The following PHF14 variants were observed in gnomAD, a reference collection of about 807,000 sequenced individuals.
PHF14 encodes PHD finger protein 14.
PHF14 carries 55 observed loss-of-function variants against 117.9 expected under a neutral mutation model. The ratio of observed to expected loss-of-function variants is 0.47; its 90% CI spans 0.38 to 0.58. The LOEUF is 0.58. PHF14 is among the 20% of genes least tolerant of loss of function. The pLI is 0.00. For synonymous variants in PHF14, 409 were observed against 368.6 expected (o/e 1.11, Z -1.26); for missense variants, 978 against 1,122.2 (o/e 0.87, Z 1.84).
At chr7:11,021,912 T>C (rs1783749505) in intron 5 of PHF14, among the ~76,000 whole-genome samples, 1 of 152,184 alleles carries the variant, frequency 6.6e-6, no homozygotes, top group African/African-American at 2.4e-5. Flanking sequence ...CCATGTAGCA[T>C]GCATAGCCTC....
At chr7:10,989,731 A>G (rs1398744341) in intron 3 of PHF14, among the ~76,000 whole-genome samples, 1 of 152,152 alleles carries the variant, frequency 6.6e-6, no homozygotes, top group East Asian at 1.9e-4. Context: ...CCTGGGCTCA[A>G]GTGATCTTCC....
At chr7:11,005,919 A>G (rs1242366694) in intron 4 of PHF14, among the ~76,000 whole-genome samples, 1 of 148,818 alleles carries the variant, frequency 6.7e-6, no homozygotes, top group Non-Finnish European at 1.5e-5. Context: ...CAGCCTCCTG[A>G]GTAGCTGGGA....
At chr7:11,044,676 AAAGAT>A (rs1421142468) in intron 13 of PHF14, among the ~76,000 whole-genome samples, 1 of 152,196 alleles carries the variant, frequency 6.6e-6, no homozygotes, top group Non-Finnish European at 1.5e-5. Flanking sequence ...AAGTTATACT[AAAGAT>A]AATAAATACT....
rs1389900526 is a variant in PHF14, at chr7:11,051,720, A to C, written c.2421A>C (p.Pro807=). Reference sequence around the variant, plus strand: ...GATCAAGGAGGCAGATTAAGGAACCAGTGAAATTTGTTCCACAGGATGTGC... The same window carrying C: ...GATCAAGGAGGCAGATTAAGGAACCCGTGAAATTTGTTCCACAGGATGTGC... ...TKRSRRQIKE[P]VKFVPQDVPP... is the part of the protein sequence containing the mutation. The change falls in exon 14 of 18, where the codon CCA becomes CCC. Residue 807 remains proline (P), a synonymous_variant. Transcript: ENST00000634607. The C allele has an allele frequency of 1.9e-6, 3 of 1,613,626 alleles. No homozygotes were observed. Among genetic ancestry groups the C allele is most frequent in the Non-Finnish European group, 2.5e-6 (3 of 1,179,710 alleles).
At chr7:10,974,672 C>G (rs555209380) in intron 1 of PHF14, among the ~76,000 whole-genome samples, 163 bp from the exon 2 acceptor site, 6 of 152,182 alleles carry the variant, frequency 3.9e-5, no homozygotes, top group African/African-American at 1.4e-4. Context: ...CAGCCCTCCC[C>G]ACCCTGCTTC....
chr7:11,046,262 G>C (rs904293588), intron 13 of PHF14, among the ~76,000 whole-genome samples: 8 of 152,154 alleles, frequency 5.3e-5, no homozygotes, highest in African/African-American at 1.9e-4. Flanking sequence ...GTAAGGGCTT[G>C]ATTTATTAGA....
chr7:10,985,636 C>CCGGTTTTTTTTTTTTTTTTTT (rs750860479), intron 3 of PHF14, among the ~76,000 whole-genome samples: 7 of 90,862 alleles, frequency 7.7e-5, no homozygotes, highest in East Asian at 8.2e-4. Flanking sequence ...GATTCTCAAA[C>CCGGTTTTTTTTTTTTTTTTTT]TGTTTTTTTT....
At chr7:11,110,015 CTTAACTTTTCT>C (rs1231430340) in intron 16 of PHF14, 1 of 151,774 alleles carries the variant, frequency 6.6e-6, no homozygotes, top group Non-Finnish European at 1.5e-5. Context: ...AATTAAGTTG[CTTAACTTTTCT>C]GGAACTCTTG....
chr7:11,155,172 G>A (rs748627444), intron 17 of PHF14, among the ~76,000 whole-genome samples: 2 of 152,022 alleles, frequency 1.3e-5, no homozygotes, highest in South Asian at 2.1e-4. Flanking sequence ...AATTTTAGTC[G>A]TCAAAAATAG....
chr7:10,974,460 C>T (rs754666059), intron 1 of PHF14, 136 bp downstream of exon 1: 16 of 778,384 alleles, frequency 2.1e-5, no homozygotes, highest in Non-Finnish European at 3.1e-5. Flanking sequence ...CCATGGTCCG[C>T]GGGAATGAAG....
chr7:11,099,765 G>C (rs892142186), intron 16 of PHF14, among the ~76,000 whole-genome samples: 2 of 151,870 alleles, frequency 1.3e-5, no homozygotes, highest in Non-Finnish European at 2.9e-5. Flanking sequence ...TTTTTCTTAA[G>C]TTATGTAACT....
intron 17 of PHF14, among the ~76,000 whole-genome samples, chr7:11,133,865 A>T (rs1788149939): frequency 6.6e-6 from 1 of 152,196 alleles, no homozygotes; most frequent in South Asian, 2.1e-4. Flanking sequence ...AGGAAGTTTT[A>T]GTTTATAGAA....
Position 10,974,949 on chromosome 7 carries a change from A to C in PHF14, c.112+4A>C. ...TTTAAAGTTGGAGATGCCTCAGGTA[A>C]ATATTTCCTTCTCTCTTCCCCTTTC... On this transcript the variant is annotated splice_donor_region_variant and intron_variant, in intron 2 of 17. Coordinates refer to ENST00000634607, the MANE Select transcript of PHF14 (RefSeq NM_001007157.2). 7.5e-7 allele frequency: 1 copy of C among 1,339,772 alleles called. No individual in the cohort carries two copies. Among genetic ancestry groups the C allele is most frequent in the Non-Finnish European group, 1.1e-6 (1 of 946,240 alleles). The allele number at this position is 1,339,772 out of a possible 1,614,324, so 83.0% of individuals were successfully genotyped here. A position where few individuals can be genotyped will look rare whatever the true frequency, so the allele number is the denominator to read the frequency against.
intron 13 of PHF14, among the ~76,000 whole-genome samples, chr7:11,047,723 C>T (rs1784717303): frequency 6.7e-6 from 1 of 150,234 alleles, no homozygotes; most frequent in Non-Finnish European, 1.5e-5. Flanking sequence ...GAGGCTGAGG[C>T]TACAATGAGC....
At chr7:11,077,171 TTTGTC>T (rs1314980830) in intron 16 of PHF14, among the ~76,000 whole-genome samples, 2 of 152,040 alleles carry the variant, frequency 1.3e-5, no homozygotes, top group South Asian at 2.1e-4. Flanking sequence ...TTGTAGTCCC[TTTGTC>T]TTGTCTTAAA....
chr7:11,142,088 C>T (rs947522689), intron 17 of PHF14, among the ~76,000 whole-genome samples: 2 of 151,912 alleles, frequency 1.3e-5, no homozygotes, highest in African/African-American at 4.8e-5. Flanking sequence ...GTTAGTTTTG[C>T]TGCTGCATAT....
chr7:11,110,747 A>G (rs144585019), intron 16 of PHF14, among the ~76,000 whole-genome samples: 14 of 152,166 alleles, frequency 9.2e-5, no homozygotes, highest in African/African-American at 3.4e-4. Context: ...GTTTTTTAAC[A>G]TGTAAAGGTT....
At chr7:11,059,262 A>C (rs1422551381) in intron 14 of PHF14, among the ~76,000 whole-genome samples, 1 of 152,248 alleles carries the variant, frequency 6.6e-6, no homozygotes, top group East Asian at 1.9e-4. Flanking sequence ...CCTTAAAAGA[A>C]TTGAAAACAT....
chr7:11,032,359 A>G (rs1032452724), intron 7 of PHF14, among the ~76,000 whole-genome samples: 3 of 152,172 alleles, frequency 2.0e-5, no homozygotes, highest in Non-Finnish European at 4.4e-5. Context: ...GATACCAGTA[A>G]AGCGTAGGTA....
Sources: allele counts gnomAD v4.1 joint callset (sites outside exome capture counted in the v4.1 genomes callset), GRCh38; gene constraint gnomAD v4.1.1; transcripts MANE v1.5; gene names NCBI Gene and HGNC (gene_info 2026-07-23, HGNC 2026-07-21).